PCNX1: variants seen among roughly 807,000 people sequenced by gnomAD.
PCNX1 encodes the protein pecanex-like protein 1.
Under a neutral mutation model 242.2 loss-of-function variants are expected in PCNX1, and 78 were observed. The observed-to-expected ratio is 0.32, with a 90% confidence interval of 0.27 to 0.39. The LOEUF (loss-of-function observed/expected upper bound fraction) is 0.39. PCNX1 is among the 10% of genes least tolerant of loss of function. The pLI is 1.00. For synonymous variants in PCNX1, 1,024 were observed against 1,032.9 expected (o/e 0.99, Z 0.17); for missense variants, 2,581 against 2,856.5 (o/e 0.90, Z 2.20).
intron 8 of PCNX1, among the ~76,000 whole-genome samples, chr14:70,998,750 C>CAA (rs34044438): frequency 1.1e-3 from 98 of 88,922 alleles, no homozygotes; most frequent in Non-Finnish European, 1.3e-3. Flanking sequence ...GACCCTATCT[C>CAA]AAAAAAAAAA....
At position 71,112,296 on chromosome 14, in the gene PCNX1, A is replaced by G. The variant is rs1446019250; in HGVS notation, c.*2361A>G. Reference sequence around the variant, plus strand: ...AAAGTCAGATTTCAAATGCAAGACTAGACTTTATATGGAACATATATGTTG... The same window carrying G: ...AAAGTCAGATTTCAAATGCAAGACTGGACTTTATATGGAACATATATGTTG... On this transcript the variant is annotated 3_prime_UTR_variant, in exon 36 of 36. Coordinates refer to ENST00000304743, the MANE Select transcript of PCNX1 (RefSeq NM_014982.3). 6.6e-6 allele frequency: 1 copy of G among 152,122 alleles called. No homozygotes were observed. Among genetic ancestry groups the G allele is most frequent in the Non-Finnish European group, 1.5e-5 (1 of 67,940 alleles). 9.4% of individuals were successfully genotyped at this position (152,122 alleles called of 1,614,324 possible).
At chr14:71,105,065 C>T (rs1295644431) in intron 32 of PCNX1, among the ~76,000 whole-genome samples, 170 bp from the exon 33 acceptor site, 1 of 152,216 alleles carries the variant, frequency 6.6e-6, no homozygotes, top group East Asian at 1.9e-4. Flanking sequence ...TCTTAAGCCA[C>T]TCTTTGAAAA....
chr14:71,054,505 T>A (rs2061127492), intron 24 of PCNX1, among the ~76,000 whole-genome samples: 1 of 152,196 alleles, frequency 6.6e-6, no homozygotes, highest in South Asian at 2.1e-4. Flanking sequence ...AATTTGGATT[T>A]TTATTATTGT....
intron 3 of PCNX1, among the ~76,000 whole-genome samples, chr14:70,963,851 A>G (rs752113728): frequency 2.0e-5 from 3 of 152,244 alleles, no homozygotes; most frequent in Non-Finnish European, 4.4e-5. Flanking sequence ...AAGAATACAG[A>G]TACAAATAAC....
chr14:70,980,049 A>C (rs908910945), intron 6 of PCNX1, among the ~76,000 whole-genome samples: 6 of 151,966 alleles, frequency 3.9e-5, no homozygotes, highest in African/African-American at 1.4e-4. Context: ...GTATGCAAGA[A>C]ACCATTGGAT....
In PCNX1 at chr14:70,977,828, T is replaced by G. The variant is rs1244241856; in HGVS notation, c.1491T>G (p.Asn497Lys). 8 of 1,613,762 alleles carry G rather than the reference T, an allele frequency of 5.0e-6. No individual in the cohort carries two copies. The highest frequency in any genetic ancestry group is 1.3e-5 in the African/African-American group (1 of 74,812). The change falls in exon 6 of 36, where the codon AAT becomes AAG. Residue 497 changes from asparagine (N) to lysine (K), a missense_variant. Physicochemically the swap from Asn to Lys is moderately conservative, Grantham distance 94 (BLOSUM62 0). Coordinates refer to ENST00000304743, the MANE Select transcript of PCNX1 (RefSeq NM_014982.3). The stretch of plus-strand genomic sequence containing the variant: ...AAGCCAATAAAAATCCCCATGCAAA[T>G]GAATTTACTTCCCAAGGGGACAGAC... ...SEEANKNPHA[N>K]EFTSQGDRPP...
intron 30 of PCNX1, among the ~76,000 whole-genome samples, chr14:71,096,348 G>T (rs1050097001): frequency 6.6e-6 from 1 of 152,072 alleles, no homozygotes; most frequent in Non-Finnish European, 1.5e-5. Context: ...GGGCATGGGG[G>T]CGTGTGCCTG....
intron 1 of PCNX1, among the ~76,000 whole-genome samples, chr14:70,920,316 T>C (rs2056328838): frequency 6.6e-6 from 1 of 152,190 alleles, no homozygotes; most frequent in Non-Finnish European, 1.5e-5. Flanking sequence ...GTTGTACTTT[T>C]TCTGTTTCAA....
At chr14:71,084,198 G>A (rs2061926601) in intron 28 of PCNX1, among the ~76,000 whole-genome samples, 1 of 152,184 alleles carries the variant, frequency 6.6e-6, no homozygotes, top group Middle Eastern at 3.2e-3. Context: ...AGCAAAGATT[G>A]CTGCCTGTTC....
At chr14:70,919,396 A>G (rs2056279230) in intron 1 of PCNX1, among the ~76,000 whole-genome samples, 1 of 152,124 alleles carries the variant, frequency 6.6e-6, no homozygotes, top group African/African-American at 2.4e-5. Context: ...GACAAGCAGA[A>G]ATGTTTCTTT....
chr14:71,092,624 G>A (rs2062165460), intron 30 of PCNX1: 1 of 152,218 alleles, frequency 6.6e-6, no homozygotes, highest in Non-Finnish European at 1.5e-5. Context: ...TTCTGCAGCG[G>A]GGGTTGGGGG....
intron 8 of PCNX1, among the ~76,000 whole-genome samples, chr14:71,000,125 T>TA (rs541990649): frequency 1.2e-4 from 18 of 152,160 alleles, no homozygotes; most frequent in Non-Finnish European, 2.5e-4. Flanking sequence ...CAACAAAGTA[T>TA]ATATAAATGA....
At chr14:71,016,310 T>G (rs2059961691) in intron 11 of PCNX1, among the ~76,000 whole-genome samples, 1 of 152,196 alleles carries the variant, frequency 6.6e-6, no homozygotes, top group Non-Finnish European at 1.5e-5. Flanking sequence ...ATAGGTGATT[T>G]CAGCACTTCT....
intron 30 of PCNX1, among the ~76,000 whole-genome samples, chr14:71,100,370 G>A (rs888928070): frequency 6.6e-6 from 1 of 152,138 alleles, no homozygotes; most frequent in Non-Finnish European, 1.5e-5. Context: ...AGTTTGGCAG[G>A]ATATGAAATT....
At chr14:71,073,118 C>A (rs1433186887) in intron 26 of PCNX1, among the ~76,000 whole-genome samples, 1 of 152,202 alleles carries the variant, frequency 6.6e-6, no homozygotes. Flanking sequence ...CATGGTGAAA[C>A]CCCGTCTCTA....
intron 11 of PCNX1, among the ~76,000 whole-genome samples, chr14:71,016,349 A>G (rs2059962435): frequency 6.6e-6 from 1 of 152,238 alleles, no homozygotes; most frequent in South Asian, 2.1e-4. Context: ...ATAATTATTT[A>G]GAAAATCAGT....
chr14:71,026,519 T>C (rs2060248226), intron 14 of PCNX1, among the ~76,000 whole-genome samples: 1 of 152,114 alleles, frequency 6.6e-6, no homozygotes. Context: ...AGAAGATTTT[T>C]TTGGTTTTGT....
At chr14:70,919,672 A>T (rs1454436246) in intron 1 of PCNX1, among the ~76,000 whole-genome samples, 6 of 143,518 alleles carry the variant, frequency 4.2e-5, no homozygotes, top group Non-Finnish European at 9.0e-5. Flanking sequence ...TAGATGAAAT[A>T]AGTAGCTACT....
chr14:71,085,518 T>C (rs1334772740), intron 28 of PCNX1: 1 of 152,784 alleles, frequency 6.5e-6, no homozygotes, highest in African/African-American at 2.4e-5. Context: ...TGCATCAAAT[T>C]GGATTCCTAT....
Sources: allele counts gnomAD v4.1 joint callset (sites outside exome capture counted in the v4.1 genomes callset), GRCh38; gene constraint gnomAD v4.1.1; transcripts MANE v1.5; gene names NCBI Gene and HGNC (gene_info 2026-07-23, HGNC 2026-07-21).